The following LRMDA variants were observed in gnomAD, a reference collection of about 807,000 sequenced individuals.
LRMDA encodes leucine-rich melanocyte differentiation-associated protein.
In LRMDA, 18 loss-of-function variants were observed where a neutral mutation model predicts 29.8. The ratio of observed to expected loss-of-function variants is 0.60; its 90% CI spans 0.42 to 0.90. The LOEUF is 0.90. Ranked by LOEUF, LRMDA falls within the 40% of genes least tolerant of loss-of-function variation. The pLI, the probability that LRMDA is intolerant of heterozygous loss-of-function variation, is 0.00. For synonymous variants in LRMDA, 125 were observed against 109.4 expected, an observed-to-expected ratio of 1.14 and a Z score of -0.89; for missense variants, 273 against 273.9, an observed-to-expected ratio of 1.00 and a Z score of 0.02.
chr10:76,478,286 C>T (rs1842698957), intron 6 of LRMDA, among the ~76,000 whole-genome samples: 1 of 152,168 alleles, frequency 6.6e-6, no homozygotes, highest in African/African-American at 2.4e-5. Context: ...AGCCAACAGA[C>T]ACGTGAAAAA....
At chr10:76,273,898 T>C (rs906133908) in intron 5 of LRMDA, among the ~76,000 whole-genome samples, 1 of 152,228 alleles carries the variant, frequency 6.6e-6, no homozygotes, top group African/African-American at 2.4e-5. Flanking sequence ...AGTAATTCTA[T>C]TGTTGTCATG....
At chr10:75,556,133 A>G (rs1331344497) in intron 2 of LRMDA, among the ~76,000 whole-genome samples, 1 of 152,154 alleles carries the variant, frequency 6.6e-6, no homozygotes, top group African/African-American at 2.4e-5. Context: ...CCCAAATTTG[A>G]TGAATGATAT....
chr10:76,050,831 CA>C (rs1312881348), intron 4 of LRMDA, among the ~76,000 whole-genome samples: 1 of 12,358 alleles, frequency 8.1e-5, no homozygotes, highest in Admixed American at 9.8e-4. Flanking sequence ...ACAGAAAGAA[CA>C]ATGGACTTGA....
intron 6 of LRMDA, among the ~76,000 whole-genome samples, chr10:76,510,367 A>C (rs890542654): frequency 6.6e-6 from 1 of 152,046 alleles, no homozygotes; most frequent in Admixed American, 6.6e-5. Flanking sequence ...CACCACCCCC[A>C]GCCGCCCTAA....
At chr10:76,502,863 C>A (rs549277223) in intron 6 of LRMDA, among the ~76,000 whole-genome samples, 3 of 151,610 alleles carry the variant, frequency 2.0e-5, no homozygotes, top group African/African-American at 7.2e-5. Flanking sequence ...TTCTTCTTTG[C>A]CTATTTGGAT....
intron 5 of LRMDA, among the ~76,000 whole-genome samples, chr10:76,117,844 G>A (rs1178228473): frequency 6.6e-6 from 1 of 152,140 alleles, no homozygotes; most frequent in Non-Finnish European, 1.5e-5. Context: ...GTGGTGAAGT[G>A]GTGATATGTT....
At chr10:76,064,747 T>A (rs1023513338) in intron 5 of LRMDA, among the ~76,000 whole-genome samples, 1 of 152,188 alleles carries the variant, frequency 6.6e-6, no homozygotes, top group African/African-American at 2.4e-5. Flanking sequence ...ATATTTTATA[T>A]AAAGCCAGGA....
At chr10:75,585,073 T>G (rs1235801776) in intron 2 of LRMDA, among the ~76,000 whole-genome samples, 1 of 152,228 alleles carries the variant, frequency 6.6e-6, no homozygotes, top group Non-Finnish European at 1.5e-5. Context: ...GTGTCATCAC[T>G]ATTCAGGTTA....
At chr10:76,056,175 A>G (rs1294805444) in intron 4 of LRMDA, among the ~76,000 whole-genome samples, 1 of 152,180 alleles carries the variant, frequency 6.6e-6, no homozygotes, top group Non-Finnish European at 1.5e-5. Flanking sequence ...CTCAGCAGAG[A>G]GGAGACCCAG....
At chr10:75,994,060 T>C (rs542028009) in intron 2 of LRMDA, among the ~76,000 whole-genome samples, 1 of 152,302 alleles carries the variant, frequency 6.6e-6, no homozygotes, top group African/African-American at 2.4e-5. Context: ...CTAAGGCCTA[T>C]CTATTCTTTG....
chr10:76,489,749 T>G (rs1842814626), intron 6 of LRMDA, among the ~76,000 whole-genome samples: 1 of 151,896 alleles, frequency 6.6e-6, no homozygotes, highest in African/African-American at 2.4e-5. Context: ...TTATACTGCT[T>G]GGGTGATAGG....
intron 6 of LRMDA, among the ~76,000 whole-genome samples, chr10:76,495,397 C>T (rs1387084906): frequency 6.6e-6 from 1 of 151,766 alleles, no homozygotes; most frequent in East Asian, 1.9e-4. Flanking sequence ...CAATACTATA[C>T]TATCTTGATT....
chr10:75,973,533 C>T (rs976321992), intron 2 of LRMDA, among the ~76,000 whole-genome samples: 2 of 151,994 alleles, frequency 1.3e-5, no homozygotes, highest in Admixed American at 1.3e-4. Flanking sequence ...ATTCTCCTGC[C>T]TCAGCCTCCC....
At chr10:76,421,330 A>AT (rs1842069647) in intron 6 of LRMDA, among the ~76,000 whole-genome samples, 2 of 152,168 alleles carry the variant, frequency 1.3e-5, no homozygotes, top group Non-Finnish European at 2.9e-5. Context: ...ATTTGTAAAC[A>AT]TACACTTTCT....
intron 2 of LRMDA, among the ~76,000 whole-genome samples, chr10:75,492,238 T>C (rs1844997221): frequency 6.6e-6 from 1 of 152,212 alleles, no homozygotes; most frequent in Non-Finnish European, 1.5e-5. Context: ...TGAATTCACA[T>C]GTGAATTCAT....
At chr10:75,517,673 C>T (rs1286503308) in intron 2 of LRMDA, among the ~76,000 whole-genome samples, 3 of 152,132 alleles carry the variant, frequency 2.0e-5, no homozygotes, top group Non-Finnish European at 4.4e-5. Context: ...TCCTCTTTTC[C>T]TAATTGAATA....
At chr10:76,076,861 A>C (rs1848969138) in intron 5 of LRMDA, among the ~76,000 whole-genome samples, 2 of 152,156 alleles carry the variant, frequency 1.3e-5, no homozygotes, top group Admixed American at 1.3e-4. Flanking sequence ...TATAGCCAGG[A>C]ATAGAAAGAA....
intron 2 of LRMDA, among the ~76,000 whole-genome samples, chr10:75,439,682 T>G (rs1263119036): frequency 1.3e-5 from 2 of 152,184 alleles, no homozygotes; most frequent in Admixed American, 1.3e-4. Flanking sequence ...CTGTGTATTC[T>G]TCCTTACTCC....
chr10:75,622,125 G>T (rs1468595465), intron 2 of LRMDA, among the ~76,000 whole-genome samples: 4 of 152,186 alleles, frequency 2.6e-5, no homozygotes, highest in Admixed American at 2.6e-4. Flanking sequence ...TGGCTGAAAA[G>T]GTAGCTGTGT....
Sources: gnomAD v4.1 joint callset for allele counts (sites outside exome capture counted in the v4.1 genomes callset) on GRCh38, gnomAD v4.1.1 for gene constraint, MANE v1.5 for transcripts, NCBI Gene and HGNC (gene_info 2026-07-23, HGNC 2026-07-21) for gene names.